RFX5: variants seen among roughly 807,000 people sequenced by gnomAD.
The protein encoded by RFX5 is DNA-binding protein RFX5.
Under a neutral mutation model 41.2 loss-of-function variants are expected in RFX5, and 30 were observed. The observed-to-expected ratio is 0.73, with a 90% CI of 0.54 to 0.99. The LOEUF (loss-of-function observed/expected upper bound fraction) is 0.99. RFX5 is among the 50% of genes least tolerant of loss of function. RFX5 has a pLI of 0.00. For synonymous variants in RFX5, 231 were observed against 291.8 expected, an observed-to-expected ratio of 0.79 and a Z score of 2.12; for missense variants, 715 against 773.6, an observed-to-expected ratio of 0.92 and a Z score of 0.90.
At position 151,345,084 on chromosome 1, in the gene RFX5, C is replaced by A. The variant is rs750068690; in HGVS notation, c.233+22G>T. 7 of 1,608,018 alleles carry A rather than the reference C, an allele frequency of 4.4e-6. No homozygotes were observed. In the South Asian group the frequency reaches 7.7e-5, roughly 18 times the overall value. On this transcript the variant is annotated intron_variant, in intron 5 of 10. Coordinates refer to ENST00000452671, the MANE Select transcript of RFX5 (RefSeq NM_001025603.2). ...CTCTAAGAATCAGAACCTCTGCCAT[C>A]TAAAACTACTATCAAACCTACCTTT...
rs752995453 is a variant in RFX5, at chr1:151,342,206, G to T, written c.1831C>A (p.Pro611Thr). Residue 611 changes from proline to threonine, a missense_variant, in exon 11 of 11, where the codon CCA (proline) becomes ACA (threonine). Coordinates refer to ENST00000452671, the MANE Select transcript of RFX5 (RefSeq NM_001025603.2). ...CTGTATCATGGGGGTGTTGCTTTTG[G>T]GTCTTTATGCTCCTGGGATAAGGAA... ...QSSLSQEHKD[P>T]KATPP The T allele has an allele frequency of 6.2e-7, 1 of 1,614,134 alleles. No individual in the cohort carries two copies. The highest frequency in any genetic ancestry group is 8.5e-7 in the Non-Finnish European group (1 of 1,180,024).
chr1:151,344,805 GGCA>G lies in RFX5; in HGVS notation c.273_275del (p.Ala92del). ...CCAGGTGGTTGCGGATCCACCTATAGGCATACATGTACTCCTCATTGCTCAGTG... is the reference window on the plus strand; with the variant it reads ...CCAGGTGGTTGCGGATCCACCTATAGTACATGTACTCCTCATTGCTCAGTG... On this transcript the variant is annotated inframe_deletion, in exon 6 of 11. Transcript: ENST00000452671. The G allele has an allele frequency of 6.2e-7, 1 of 1,604,520 alleles. No homozygotes were observed. Among genetic ancestry groups the G allele is most frequent in the Non-Finnish European group, 8.5e-7 (1 of 1,174,524 alleles).
intron 2 of RFX5, 53 bp from the exon 3 acceptor site, chr1:151,346,386 C>T: frequency 1.5e-6 from 2 of 1,344,086 alleles, no homozygotes; most frequent in Non-Finnish European, 2.1e-6. Flanking sequence ...GCCTTCCCTT[C>T]CCCAGAAGGC....
rs1257442912 is a variant in RFX5 at position 151,341,772 on chromosome 1, GGTCA to G, written c.*410_*413del. 16 of 352,796 alleles carry G rather than the reference GGTCA, an allele frequency of 4.5e-5. No homozygotes were observed. The Admixed American group carries it at 6.3e-4, about 14-fold the overall frequency. The allele number at this position is 352,796 out of a possible 1,614,324, so 21.9% of individuals were successfully genotyped here. On this transcript the variant is annotated 3_prime_UTR_variant, in exon 11 of 11. Coordinates refer to ENST00000452671, the MANE Select transcript of RFX5 (RefSeq NM_001025603.2). Reference sequence around the variant, plus strand: ...TATTTAGAGACATACTGAACTACTGGGTCAAGTCTTCACCTGGAGCCAGCACTAC... The same window carrying G: ...TATTTAGAGACATACTGAACTACTGGAGTCTTCACCTGGAGCCAGCACTAC...
rs754888870 is a variant in RFX5 at position 151,342,858 on chromosome 1, T to C, written c.1179A>G (p.Gly393=). ...GAGCTCGCCCAGGCCCAGGTCCAGGTCCAGGCAAAGCAGGAACAGTTGGTA... is the reference window on the plus strand; with the variant it reads ...GAGCTCGCCCAGGCCCAGGTCCAGGCCCAGGCAAAGCAGGAACAGTTGGTA... ...MILPTVPALP[G]PGPGPGRAPP... The change falls in exon 11 of 11, where the codon GGA becomes GGG. Residue 393 remains glycine, a synonymous_variant. Coordinates refer to ENST00000452671, the MANE Select transcript of RFX5 (RefSeq NM_001025603.2). The C allele has an allele frequency of 6.2e-7, 1 of 1,614,098 alleles. No individual in the cohort carries two copies. Among genetic ancestry groups the C allele is most frequent in the Non-Finnish European group, 8.5e-7 (1 of 1,179,984 alleles).
At position 151,343,025 on chromosome 1, in the gene RFX5, G is replaced by A. The variant is rs752592050; in HGVS notation, c.1012C>T (p.Arg338Cys). ...RLPLLLPRAP[R>C]SLIPPIPVSP... is the part of the protein sequence containing the mutation. ...ACTGGGATTGGCGGAATTAGTGAGC[G>A]AGGGGCCCGGGGAAGGAGCAGAGGC... The change falls in exon 11 of 11, where the codon CGC (arginine) becomes TGC (cysteine). Residue 338 changes from arginine to cysteine, a missense_variant. Arg to Cys is a radical substitution (Grantham distance 180). Transcript: ENST00000452671. 17 of 1,613,606 alleles carry A rather than the reference G, an allele frequency of 1.1e-5. No homozygotes were observed. Among genetic ancestry groups the A allele is most frequent in the Admixed American group, 3.3e-5 (2 of 60,030 alleles).
At position 151,343,174 on chromosome 1, in the gene RFX5, G is replaced by C; in HGVS notation, c.863C>G (p.Pro288Arg). The C allele has an allele frequency of 6.2e-7, 1 of 1,611,200 alleles. No individual in the cohort carries two copies. Residue 288 changes from proline to arginine, a missense_variant, in exon 11 of 11, where the codon CCT (proline) becomes CGT (arginine). Transcript: ENST00000452671. ...CCCAGTTCGGGCTTCCAGATCCTTA[G>C]GAGGCTAAAAAGTAAAGAGAGGAAC... is the stretch of plus-strand genomic sequence containing the variant. ...HKKPERLAQPPKDLEARTGAG... is the reference protein window; with the variant it reads ...HKKPERLAQPRKDLEARTGAG...
chr1:151,345,940 T>C lies in RFX5; in HGVS notation c.138A>G (p.Val46=), dbSNP rs762471269. The part of the protein sequence containing the change: ...GTISKAVQNK[V]EGILQDVQKF... ...CCAACACACTTACCAGGATCCCCTC[T>C]ACTTTGTTCTGCACGGCCTTGCTGT... Residue 46 remains valine (V), a synonymous_variant, in exon 4 of 11, where the codon GTA becomes GTG. Coordinates refer to ENST00000452671, the MANE Select transcript of RFX5 (RefSeq NM_001025603.2). 6.2e-7 allele frequency: 1 copy of C among 1,614,058 alleles called. No homozygotes were observed.
At position 151,340,727 on chromosome 1, in the gene RFX5, C is replaced by T. The variant is rs1275070292; in HGVS notation, c.*1459G>A. On this transcript the variant is annotated 3_prime_UTR_variant, in exon 11 of 11. Coordinates refer to ENST00000452671, the MANE Select transcript of RFX5 (RefSeq NM_001025603.2). ...ATAATTTATTCACGTTAGATATACT[C>T]TTTATAGATATCAAATATTACATAT... 6.6e-6 allele frequency: 1 copy of T among 152,538 alleles called. No individual in the cohort carries two copies. The highest frequency in any genetic ancestry group is 6.6e-5 in the Admixed American group (1 of 15,262). 9.4% of individuals were successfully genotyped at this position (152,538 alleles called of 1,614,324 possible). A position where few individuals can be genotyped will look rare whatever the true frequency, so the allele number is the denominator to read the frequency against.
rs977551361 is a variant in RFX5, at chr1:151,345,928, C to T, written c.150G>A (p.Leu50=). Residue 50 remains leucine, a splice_region_variant and synonymous_variant, in exon 4 of 11, where the codon CTG becomes CTA. Transcript: ENST00000452671. ...TTGCCCTCTTCCCCAACACACTTAC[C>T]AGGATCCCCTCTACTTTGTTCTGCA... The part of the protein sequence containing the change: ...KAVQNKVEGI[L]QDVQKFSDND... 1.2e-6 allele frequency: 2 copies of T among 1,614,086 alleles called. No homozygotes were observed. Among genetic ancestry groups the T allele is most frequent in the Admixed American group, 1.7e-5 (1 of 59,994 alleles).
rs886045278 is a variant in RFX5, at chr1:151,341,108, G to A, written c.*1078C>T. ...AGGAAGTCTTTCACTCTAGTTGGTG[G>A]AACTGGCAATAGGGTGAGAGGGAAG... On this transcript the variant is annotated 3_prime_UTR_variant, in exon 11 of 11. Transcript: ENST00000452671. The A allele has an allele frequency of 7.9e-5, 12 of 152,396 alleles. No individual in the cohort carries two copies. The highest frequency in any genetic ancestry group is 8.8e-5 in the Non-Finnish European group (6 of 68,054). 9.4% of individuals were successfully genotyped at this position (152,396 alleles called of 1,614,324 possible).
At chr1:151,343,238 G>A in intron 10 of RFX5, 60 bp from the exon 11 acceptor site, 1 of 1,609,944 alleles carries the variant, frequency 6.2e-7, no homozygotes, top group Non-Finnish European at 8.5e-7. Flanking sequence ...GGGAAACATA[G>A]ACGCCAGAGG....
At position 151,343,849 on chromosome 1, in the gene RFX5, G is replaced by T; in HGVS notation, c.589C>A (p.Arg197=). 1 of 1,614,064 alleles carries T rather than the reference G, an allele frequency of 6.2e-7. No homozygotes were observed. Among genetic ancestry groups the T allele is most frequent in the South Asian group, 1.1e-5 (1 of 91,078 alleles). Residue 197 remains arginine, a synonymous_variant, in exon 9 of 11, where the codon CGA becomes AGA. Transcript: ENST00000452671. ...EMGPEVTPAP[R]DELVEAACAL... is the part of the protein sequence containing the mutation. Reference sequence around the variant, plus strand: ...CACGCTGCCTCCACCAGTTCATCTCGAGGTGCTGGGGTTACTTCTGGGCCC... The same window carrying T: ...CACGCTGCCTCCACCAGTTCATCTCTAGGTGCTGGGGTTACTTCTGGGCCC...
Position 151,343,849 on chromosome 1 carries a change from G to C in RFX5, c.589C>G (p.Arg197Gly). 1 of 1,614,064 alleles carries C rather than the reference G, an allele frequency of 6.2e-7. No homozygotes were observed. The highest frequency in any genetic ancestry group is 8.5e-7 in the Non-Finnish European group (1 of 1,180,032). Residue 197 changes from arginine to glycine, a missense_variant, in exon 9 of 11, where the codon CGA becomes GGA. Coordinates refer to ENST00000452671, the MANE Select transcript of RFX5 (RefSeq NM_001025603.2). ...CACGCTGCCTCCACCAGTTCATCTC[G>C]AGGTGCTGGGGTTACTTCTGGGCCC... is the stretch of plus-strand genomic sequence containing the variant. ...EMGPEVTPAPRDELVEAACAL... is the reference protein window; with the variant it reads ...EMGPEVTPAPGDELVEAACAL...
intron 3 of RFX5, 26 bp downstream of exon 3, chr1:151,346,179 G>T: frequency 6.2e-7 from 1 of 1,606,020 alleles, no homozygotes. Context: ...TCTTGGACAG[G>T]ACTTGGAGAT....
chr1:151,344,899 T>A, intron 5 of RFX5, 52 bp from the exon 6 acceptor site: 1 of 1,614,012 alleles, frequency 6.2e-7, no homozygotes. Context: ...GTTGTCCTGG[T>A]TCTTCCCAAA....
chr1:151,343,551 T>C, intron 9 of RFX5, 109 bp from the exon 10 acceptor site: 4 of 1,415,298 alleles, frequency 2.8e-6, no homozygotes, highest in Non-Finnish European at 3.9e-6. Context: ...AATGGGGTGC[T>C]AAAGCATGTC....
chr1:151,346,726 GT>G (rs1265416462), intron 1 of RFX5, 120 bp from the exon 2 acceptor site: 1 of 237,656 alleles, frequency 4.2e-6, no homozygotes, highest in Non-Finnish European at 8.5e-6. Context: ...ACAAAACAAA[GT>G]TCTCTAATTC....
Position 151,342,715 on chromosome 1 carries a change from G to A in RFX5, c.1322C>T (p.Ala441Val), listed in dbSNP as rs148572733. 3.7e-6 allele frequency: 6 copies of A among 1,614,056 alleles called. No homozygotes were observed. The highest frequency in any genetic ancestry group is 4.2e-6 in the Non-Finnish European group (5 of 1,180,052). ...KRTAEVPVSEASGQAPPAKAA... is the reference protein window; with the variant it reads ...KRTAEVPVSEVSGQAPPAKAA... ...TTTAGCTGGTGGAGCCTGCCCACTG[G>A]CCTCACTCACAGGTACTTCAGCTGT... The change falls in exon 11 of 11, where the codon GCC (alanine) becomes GTC (valine). Residue 441 changes from alanine (A) to valine (V), a missense_variant. Coordinates refer to ENST00000452671, the MANE Select transcript of RFX5 (RefSeq NM_001025603.2).
Sources: gnomAD v4.1 joint callset for allele counts on GRCh38, gnomAD v4.1.1 for gene constraint, MANE v1.5 for transcripts, NCBI Gene and HGNC (gene_info 2026-07-23, HGNC 2026-07-21) for gene names.